The following LDLRAD3 variants were observed in gnomAD, a reference collection of about 807,000 sequenced individuals.
The protein encoded by LDLRAD3 is low-density lipoprotein receptor class A domain-containing protein 3.
LDLRAD3 carries 20 observed loss-of-function variants against 29.4 expected under a neutral mutation model. The ratio of observed to expected loss-of-function variants is 0.68; its 90% CI spans 0.48 to 0.99. The LOEUF is 0.99. Ranked by LOEUF, LDLRAD3 falls within the 50% of genes least tolerant of loss-of-function variation. The pLI, the probability that LDLRAD3 is intolerant of heterozygous loss-of-function variation, is 0.00. For synonymous variants in LDLRAD3, 157 were observed against 192.7 expected, an observed-to-expected ratio of 0.81 and a Z score of 1.53; for missense variants, 420 against 454.3, an observed-to-expected ratio of 0.92 and a Z score of 0.69.
At chr11:36,083,148 G>T (rs12787615) in intron 3 of LDLRAD3, among the ~76,000 whole-genome samples, 3 of 152,220 alleles carry the variant, frequency 2.0e-5, no homozygotes, top group Admixed American at 6.5e-5. Context: ...TGATACAATC[G>T]TTACGATCAA....
chr11:36,034,528 G>C (rs1261164119), intron 1 of LDLRAD3, among the ~76,000 whole-genome samples: 1 of 152,206 alleles, frequency 6.6e-6, no homozygotes, highest in Non-Finnish European at 1.5e-5. Flanking sequence ...AGCGATGAAA[G>C]CTCATTTTCA....
chr11:36,081,453 A>T (rs1189333480), intron 2 of LDLRAD3, among the ~76,000 whole-genome samples, 200 bp from the exon 3 acceptor site: 1 of 152,180 alleles, frequency 6.6e-6, no homozygotes, highest in East Asian at 1.9e-4. Flanking sequence ...CTTTTGAAGC[A>T]TTCCTCTCTA....
intron 4 of LDLRAD3, among the ~76,000 whole-genome samples, chr11:36,114,777 G>A (rs948244236): frequency 4.7e-4 from 72 of 152,096 alleles, no homozygotes; most frequent in African/African-American, 1.4e-3. Context: ...TCCATGGTGC[G>A]TCTCTCTTCC....
chr11:36,152,467 C>T (rs922442661), intron 4 of LDLRAD3, among the ~76,000 whole-genome samples: 1 of 152,220 alleles, frequency 6.6e-6, no homozygotes, highest in African/African-American at 2.4e-5. Context: ...TCCTCTGATG[C>T]TGGTGCCAGT....
chr11:36,029,244 AAAACAAAC>A (rs59122733), intron 1 of LDLRAD3, among the ~76,000 whole-genome samples: 77,831 of 150,980 alleles, frequency 0.52, 20,245 homozygotes, highest in Admixed American at 0.58. Context: ...ACTCCATCTC[AAAACAAAC>A]AAACAAACAA....
intron 1 of LDLRAD3, among the ~76,000 whole-genome samples, chr11:36,016,512 T>G (rs369077069): frequency 6.6e-6 from 1 of 152,206 alleles, no homozygotes; most frequent in African/African-American, 2.4e-5. Context: ...TTTCTCTGTG[T>G]GTATGTATTT....
intron 4 of LDLRAD3, among the ~76,000 whole-genome samples, chr11:36,107,300 A>G (rs1422802868): frequency 1.3e-5 from 2 of 151,702 alleles, no homozygotes; most frequent in Non-Finnish European, 2.9e-5. Flanking sequence ...TCCCAGGTTC[A>G]AGCAGTTCTC....
At chr11:35,986,836 C>T (rs1180514411) in intron 1 of LDLRAD3, among the ~76,000 whole-genome samples, 1 of 152,194 alleles carries the variant, frequency 6.6e-6, no homozygotes, top group Non-Finnish European at 1.5e-5. Flanking sequence ...ATGCAGAGCA[C>T]ACCTTTTGGT....
chr11:35,970,836 A>AT, intron 1 of LDLRAD3, among the ~76,000 whole-genome samples: 1 of 152,252 alleles, frequency 6.6e-6, no homozygotes, highest in East Asian at 1.9e-4. Context: ...TCAAAGGGAG[A>AT]TTGCCCAGTT....
intron 3 of LDLRAD3, among the ~76,000 whole-genome samples, chr11:36,091,745 C>G (rs193106051): frequency 1.3e-5 from 2 of 152,112 alleles, no homozygotes; most frequent in East Asian, 3.8e-4. Context: ...TAAGCCACAA[C>G]GAGGACAAAG....
Position 36,114,348 on chromosome 11 carries a change from G to A in LDLRAD3, c.454+15887G>A, listed in dbSNP as rs553712778. On this transcript the variant is annotated intron_variant, in intron 4 of 5. Transcript: ENST00000315571. ...AGAAATCTGCCTATCGGGGCTGAGA[G>A]ACATCCTGTAGTGGCTGCCCGTCTC... Among the ~76,000 whole-genome samples the A allele has an allele frequency of 1.5e-4, 23 of 152,306 alleles. No individual in the cohort carries two copies. The South Asian group carries it at 4.8e-3, about 32-fold the overall frequency.
chr11:36,083,261 A>G (rs1234279071), intron 3 of LDLRAD3, among the ~76,000 whole-genome samples: 1 of 152,196 alleles, frequency 6.6e-6, no homozygotes, highest in Non-Finnish European at 1.5e-5. Flanking sequence ...AGCCACCATT[A>G]TAGTATCATA....
intron 4 of LDLRAD3, among the ~76,000 whole-genome samples, chr11:36,169,405 C>T (rs971073592): frequency 6.6e-6 from 1 of 152,176 alleles, no homozygotes; most frequent in Non-Finnish European, 1.5e-5. Flanking sequence ...TTTAACTTTA[C>T]GTTTGTACCT....
chr11:36,003,215 CTG>C (rs1217856489), intron 1 of LDLRAD3, among the ~76,000 whole-genome samples: 2 of 152,172 alleles, frequency 1.3e-5, no homozygotes, highest in Non-Finnish European at 2.9e-5. Flanking sequence ...CTTACCTGGC[CTG>C]GCTGGTGCAG....
intron 2 of LDLRAD3, among the ~76,000 whole-genome samples, chr11:36,040,709 T>A (rs1477964711): frequency 6.6e-6 from 1 of 152,176 alleles, no homozygotes; most frequent in Admixed American, 6.5e-5. Flanking sequence ...TTAAAATTAC[T>A]GGGTTGGAGG....
At chr11:35,999,109 C>T (rs180670774) in intron 1 of LDLRAD3, among the ~76,000 whole-genome samples, 8 of 152,288 alleles carry the variant, frequency 5.3e-5, no homozygotes, top group Non-Finnish European at 1.0e-4. Context: ...ATCGATTGGG[C>T]ACCTACTGTG....
chr11:35,944,784 C>G lies in LDLRAD3; in HGVS notation c.46+640C>G. On this transcript the variant is annotated intron_variant, in intron 1 of 5. Transcript: ENST00000315571. This position sits in a 1 kb window ranked among gnomAD's most constrained non-coding sequence, Gnocchi z 4.9. ...GCTTTATTTAAGACGTCTGACCACC[C>G]TACTTGCCCCGCGATGGGCGCCCTG... Among the ~76,000 whole-genome samples the G allele has an allele frequency of 6.6e-6, 1 of 152,324 alleles. No homozygotes were observed. The highest frequency in any genetic ancestry group is 1.9e-4 in the East Asian group (1 of 5,174).
Position 36,168,868 on chromosome 11 carries a change from G to A in LDLRAD3, c.455-58217G>A, listed in dbSNP as rs575162539. Among the ~76,000 whole-genome samples the A allele has an allele frequency of 7.9e-5, 12 of 152,298 alleles. No individual in the cohort carries two copies. The South Asian group carries it at 1.7e-3, about 21-fold the overall frequency. On this transcript the variant is annotated intron_variant, in intron 4 of 5. Coordinates refer to ENST00000315571, the MANE Select transcript of LDLRAD3 (RefSeq NM_174902.4). The stretch of plus-strand genomic sequence containing the variant: ...TCAGCTCTCTAATTCATCAAATTAA[G>A]ATGACTTTCAGGACTGCCTGGAGAT...
chr11:35,993,781 G>T (rs1485566700), intron 1 of LDLRAD3, among the ~76,000 whole-genome samples: 1 of 152,110 alleles, frequency 6.6e-6, no homozygotes, highest in Admixed American at 6.5e-5. Context: ...GGATTCATGA[G>T]CTGATTCAGA....
Sources: allele counts gnomAD v4.1 joint callset (sites outside exome capture counted in the v4.1 genomes callset), GRCh38; gene constraint gnomAD v4.1.1; non-coding constraint Gnocchi (gnomAD v3.1); transcripts MANE v1.5; gene names NCBI Gene and HGNC (gene_info 2026-07-23, HGNC 2026-07-21).